NRG3: variants seen among roughly 807,000 people sequenced by gnomAD.
NRG3 encodes pro-neuregulin-3, membrane-bound isoform.
Under a neutral mutation model 66.9 loss-of-function variants are expected in NRG3, and 31 were observed. The observed-to-expected ratio is 0.46, with a 90% CI of 0.35 to 0.63. The LOEUF (loss-of-function observed/expected upper bound fraction) is 0.63, where lower values mean the gene tolerates loss of function less well. Among genes scored for constraint, NRG3 ranks in the 20% least tolerant of loss-of-function variants. The probability of loss-of-function intolerance (pLI) is 0.00; values close to 1 mark genes in which losing one functional copy is unlikely to be tolerated. For synonymous variants in NRG3, 393 were observed against 359.4 expected, an observed-to-expected ratio of 1.09 and a Z score of -1.06; for missense variants, 910 against 878.9, an observed-to-expected ratio of 1.04 and a Z score of -0.45.
chr10:81,954,861 C>T (rs1026915349), intron 1 of NRG3, among the ~76,000 whole-genome samples: 12 of 152,048 alleles, frequency 7.9e-5, no homozygotes, highest in African/African-American at 1.7e-4. Context: ...GCACTGTAAC[C>T]ACTAGCAGTT....
intron 1 of NRG3, among the ~76,000 whole-genome samples, chr10:82,220,957 C>A (rs2075912214): frequency 6.6e-6 from 1 of 152,020 alleles, no homozygotes; most frequent in South Asian, 2.1e-4. Context: ...ACATGCCAGC[C>A]TGGGTGACAG....
chr10:82,374,619 A>G (rs2085092762), intron 2 of NRG3, among the ~76,000 whole-genome samples: 2 of 152,194 alleles, frequency 1.3e-5, no homozygotes, highest in South Asian at 2.1e-4. Context: ...ATTACGGTAC[A>G]GTGGTAGGTC....
rs183742386 is a variant in NRG3 at position 82,660,415 on chromosome 10, A to G, written c.954-78162A>G. On this transcript the variant is annotated intron_variant, in intron 2 of 8. Transcript: ENST00000372141. The stretch of plus-strand genomic sequence containing the variant: ...GCTGAATCTCTGTAGTCATGCTGTT[A>G]GTGACTCACTCTTCCTTTGAAATGT... Among the ~76,000 whole-genome samples the G allele has an allele frequency of 1.6e-4, 25 of 152,150 alleles. 1 individual carries two copies. Among genetic ancestry groups the G allele is most frequent in the Admixed American group, 6.5e-4 (10 of 15,284 alleles).
intron 2 of NRG3, among the ~76,000 whole-genome samples, chr10:82,682,398 C>CAGAT (rs57109130): frequency 0.24 from 35,503 of 149,514 alleles, 4,218 homozygotes; most frequent in Non-Finnish European, 0.25. Flanking sequence ...AGTAGATAGA[C>CAGAT]AGATAGATAG....
intron 1 of NRG3, among the ~76,000 whole-genome samples, chr10:82,322,225 T>C (rs1318832434): frequency 6.6e-6 from 1 of 152,180 alleles, no homozygotes; most frequent in Non-Finnish European, 1.5e-5. Context: ...TAAATGCCCA[T>C]AATAAGTCAG....
chr10:82,813,211 C>CTTTTTTTTTTTT (rs58875697), intron 3 of NRG3, among the ~76,000 whole-genome samples: 3 of 112,138 alleles, frequency 2.7e-5, no homozygotes, highest in Non-Finnish European at 3.5e-5. Context: ...CTCTGTTTCT[C>CTTTTTTTTTTTT]TTTTTTTTTT....
At chr10:82,924,728 G>T (rs1252452846) in intron 4 of NRG3, among the ~76,000 whole-genome samples, 1 of 152,122 alleles carries the variant, frequency 6.6e-6, no homozygotes, top group African/African-American at 2.4e-5. Flanking sequence ...ACAGCAGCTT[G>T]GAAGGTAGGA....
In NRG3 at chr10:82,086,934, G is replaced by A. The variant is rs373229830; in HGVS notation, c.823+210771G>A. Among the ~76,000 whole-genome samples the A allele has an allele frequency of 9.9e-5, 15 of 152,230 alleles. No homozygotes were observed. The South Asian group carries it at 1.0e-3, about 11-fold the overall frequency. ...TAAGGGAAGGCTGGACAATCTGGAAGGATGGGTAAGGCTTAGCACAGGTGA... is the reference window on the plus strand; with the variant it reads ...TAAGGGAAGGCTGGACAATCTGGAAAGATGGGTAAGGCTTAGCACAGGTGA... On this transcript the variant is annotated intron_variant, in intron 1 of 8. Coordinates refer to ENST00000372141, the MANE Select transcript of NRG3 (RefSeq NM_001010848.4).
chr10:82,346,647 T>C (rs375170538), intron 1 of NRG3, among the ~76,000 whole-genome samples: 4 of 151,134 alleles, frequency 2.6e-5, no homozygotes, highest in African/African-American at 9.7e-5. Flanking sequence ...ATGGTACCAG[T>C]TCCTCCTTGT....
intron 2 of NRG3, among the ~76,000 whole-genome samples, chr10:82,389,767 T>A (rs2086230732): frequency 6.6e-6 from 1 of 152,134 alleles, no homozygotes; most frequent in Non-Finnish European, 1.5e-5. Flanking sequence ...TAAAATAGAT[T>A]CAAAAAAGTT....
chr10:82,542,082 C>A (rs557301794), intron 2 of NRG3, among the ~76,000 whole-genome samples: 2 of 152,234 alleles, frequency 1.3e-5, no homozygotes, highest in East Asian at 1.9e-4. Context: ...TTTCCCTCTA[C>A]CCACTGACAG....
intron 2 of NRG3, among the ~76,000 whole-genome samples, chr10:82,389,486 G>T (rs1055155581): frequency 1.3e-5 from 2 of 152,050 alleles, no homozygotes; most frequent in Non-Finnish European, 1.5e-5. Flanking sequence ...AGAACATTCT[G>T]CTCAGATTAA....
chr10:82,849,052 A>T (rs2063441258), intron 3 of NRG3, among the ~76,000 whole-genome samples: 1 of 152,142 alleles, frequency 6.6e-6, no homozygotes. Flanking sequence ...CAATTACCTT[A>T]TTTGGAGATG....
chr10:82,602,528 A>G (rs536654595), intron 2 of NRG3, among the ~76,000 whole-genome samples: 93 of 152,252 alleles, frequency 6.1e-4, no homozygotes, highest in African/African-American at 1.8e-3. Context: ...GTAAAACTCA[A>G]TTAAGACCTA....
intron 1 of NRG3, among the ~76,000 whole-genome samples, chr10:82,209,235 G>C (rs529591676): frequency 6.6e-6 from 1 of 152,252 alleles, no homozygotes; most frequent in East Asian, 1.9e-4. Flanking sequence ...GCTGCATATA[G>C]CATGCTACTG....
intron 1 of NRG3, among the ~76,000 whole-genome samples, chr10:82,135,674 T>A (rs2069287468): frequency 6.6e-6 from 1 of 152,144 alleles, no homozygotes; most frequent in Admixed American, 6.6e-5. Context: ...TAGAATTTCT[T>A]CTTGATTTTT....
chr10:82,721,589 A>C (rs1426882961), intron 2 of NRG3, among the ~76,000 whole-genome samples: 1 of 151,240 alleles, frequency 6.6e-6, no homozygotes, highest in African/African-American at 2.4e-5. Context: ...CACCTGGCTA[A>C]TTTTTGTATT....
intron 1 of NRG3, among the ~76,000 whole-genome samples, chr10:82,286,981 G>A (rs551947550): frequency 5.3e-5 from 8 of 152,174 alleles, no homozygotes; most frequent in African/African-American, 1.7e-4. Context: ...CTCAGGGTGT[G>A]GCACCTAGGG....
chr10:82,544,758 T>C (rs954819850), intron 2 of NRG3, among the ~76,000 whole-genome samples: 2 of 152,188 alleles, frequency 1.3e-5, no homozygotes, highest in African/African-American at 4.8e-5. Context: ...TACCCACAGA[T>C]AGCTCAGTTC....
Sources: gnomAD v4.1 joint callset for allele counts (sites outside exome capture counted in the v4.1 genomes callset) on GRCh38, gnomAD v4.1.1 for gene constraint, MANE v1.5 for transcripts, NCBI Gene and HGNC (gene_info 2026-07-23, HGNC 2026-07-21) for gene names.